Variants in NTRK3 observed in about 807,000 individuals in gnomAD.
NTRK3 encodes neurotrophic receptor tyrosine kinase 3, also known as NT-3 growth factor receptor.
Under a neutral mutation model 91.7 loss-of-function variants are expected in NTRK3, and 24 were observed. The observed-to-expected ratio is 0.26, with a 90% CI of 0.19 to 0.37. The LOEUF (loss-of-function observed/expected upper bound fraction) is 0.37. NTRK3 is among the 10% of genes least tolerant of loss of function. The pLI, the probability that NTRK3 is intolerant of heterozygous loss-of-function variation, is 1.00. For synonymous variants in NTRK3, 483 were observed against 404.0 expected, an observed-to-expected ratio of 1.20 and a Z score of -2.34; for missense variants, 880 against 1,068.9, an observed-to-expected ratio of 0.82 and a Z score of 2.46.
chr15:87,986,509 G>T (rs180795973), intron 14 of NTRK3, among the ~76,000 whole-genome samples: 1 of 152,230 alleles, frequency 6.6e-6, no homozygotes, highest in East Asian at 1.9e-4. Flanking sequence ...TAATTTTGCT[G>T]CATATGCATA....
chr15:88,184,293 T>C (rs1458667131), exon 4 of NTRK3: 3 of 1,613,924 alleles, frequency 1.9e-6, no homozygotes, highest in Non-Finnish European at 2.5e-6. Flanking sequence ...GCCAGTTCTC[T>C]ATGTGTCTGC....
At chr15:88,195,817 C>T (rs1359774022) in intron 3 of NTRK3, among the ~76,000 whole-genome samples, 2 of 152,162 alleles carry the variant, frequency 1.3e-5, no homozygotes, top group African/African-American at 4.8e-5. Context: ...TTGGTCCAGG[C>T]CTGAGCAGCT....
Position 88,240,057 on chromosome 15 carries a change from C to G in NTRK3, c.248+15849G>C, listed in dbSNP as rs1402000976. Among the ~76,000 whole-genome samples, 2 of 151,026 alleles carry G rather than the reference C, an allele frequency of 1.3e-5. No homozygotes were observed. Among genetic ancestry groups the G allele is most frequent in the Non-Finnish European group, 2.9e-5 (2 of 67,950 alleles). ...ACACACACAGCGACACACACAGACA[C>G]ACACACACACACACACAGGAACAAG... On this transcript the variant is annotated intron_variant, in intron 3 of 18. Transcript: ENST00000394480. The surrounding 1 kb of genome is among the most constrained non-coding windows in gnomAD (Gnocchi z 4.9).
At chr15:87,861,952 C>G (rs372631759) in exon 19 of NTRK3, 1 of 215,304 alleles carries the variant, frequency 4.6e-6, no homozygotes, top group Non-Finnish European at 9.4e-6. Flanking sequence ...GCTCCTTCCC[C>G]TCTGTTCTAA....
rs1178417471 is a variant in NTRK3 at position 88,240,348 on chromosome 15, A to T, written c.248+15558T>A. On this transcript the variant is annotated intron_variant, in intron 3 of 18. Transcript: ENST00000394480. The surrounding 1 kb of genome is among the most constrained non-coding windows in gnomAD (Gnocchi z 4.9). ...ACACACCCGATAAACTGTGGCAGTGATGGGACACAGGCCAGCCCCATCCTG... is the reference window on the plus strand; with the variant it reads ...ACACACCCGATAAACTGTGGCAGTGTTGGGACACAGGCCAGCCCCATCCTG... Among the ~76,000 whole-genome samples, 1 of 152,174 alleles carries T rather than the reference A, an allele frequency of 6.6e-6. No individual in the cohort carries two copies. The highest frequency in any genetic ancestry group is 1.5e-5 in the Non-Finnish European group (1 of 68,034).
exon 19 of NTRK3, chr15:87,860,432 A>G (rs1411629853): frequency 4.6e-6 from 1 of 219,654 alleles, no homozygotes; most frequent in Non-Finnish European, 9.1e-6. Context: ...CTTAATATCA[A>G]CTGAGAACAC....
chr15:88,255,891 G>A lies in NTRK3; in HGVS notation c.248+15C>T, dbSNP rs1262207103. On this transcript the variant is annotated intron_variant, in intron 3 of 18. Coordinates refer to ENST00000394480, the Ensembl canonical transcript of NTRK3. This position sits in a 1 kb window ranked among gnomAD's most constrained non-coding sequence, Gnocchi z 4.3. ...GCGCGGGGGAGGCAGGCTGGGGAGCGGCCGCCTGACTTACATGGAAGTGAT... is the reference window on the plus strand; with the variant it reads ...GCGCGGGGGAGGCAGGCTGGGGAGCAGCCGCCTGACTTACATGGAAGTGAT... 1.3e-6 allele frequency: 2 copies of A among 1,597,234 alleles called. No homozygotes were observed. Among genetic ancestry groups the A allele is most frequent in the Non-Finnish European group, 1.7e-6 (2 of 1,168,578 alleles).
chr15:87,880,185 T>C (rs2141463717), intron 18 of NTRK3, 85 bp downstream of exon 19: 1 of 1,546,460 alleles, frequency 6.5e-7, no homozygotes, highest in Non-Finnish European at 8.9e-7. Context: ...CCACCTAATG[T>C]CTTGTTCAGT....
chr15:87,938,724 G>A (rs1009410676), intron 15 of NTRK3, among the ~76,000 whole-genome samples: 8 of 152,148 alleles, frequency 5.3e-5, no homozygotes, highest in South Asian at 2.1e-4. Context: ...GATGGATGCC[G>A]GAACACCCCG....
intron 17 of NTRK3, among the ~76,000 whole-genome samples, chr15:87,889,455 A>T (rs1179414902): frequency 8.2e-6 from 1 of 121,584 alleles, no homozygotes; most frequent in Non-Finnish European, 1.6e-5. Context: ...CCCAGGCTGG[A>T]GTGCAGTGGC....
At chr15:88,135,111 C>A in exon 10 of NTRK3, 1 of 1,614,252 alleles carries the variant, frequency 6.2e-7, no homozygotes, top group Non-Finnish European at 8.5e-7. Context: ...CTGGAAAGGG[C>A]TCCTTGAGGA....
At chr15:88,232,107 G>C (rs935580827) in intron 3 of NTRK3, among the ~76,000 whole-genome samples, 3 of 152,102 alleles carry the variant, frequency 2.0e-5, no homozygotes, top group African/African-American at 7.2e-5. Context: ...GGTGATGGGG[G>C]ATCTTGCACT....
intron 17 of NTRK3, chr15:87,908,634 G>C: frequency 2.5e-6 from 1 of 399,434 alleles, no homozygotes. Context: ...GAGGAAGGAA[G>C]CATGGAAGGA....
At chr15:87,978,896 GGACAGCA>G in intron 14 of NTRK3, 2 of 291,492 alleles carry the variant, frequency 6.9e-6, no homozygotes, top group Non-Finnish European at 6.5e-6. Context: ...GTCACTAAGA[GGACAGCA>G]TGGTATCCTG....
intron 3 of NTRK3, among the ~76,000 whole-genome samples, chr15:88,195,770 A>T (rs1024137130): frequency 1.3e-5 from 2 of 152,310 alleles, no homozygotes; most frequent in East Asian, 3.9e-4. Context: ...TTACTCCCCA[A>T]GGGGTCTTGG....
At chr15:87,865,710 G>T (rs1183530913) in exon 19 of NTRK3, 1 of 223,004 alleles carries the variant, frequency 4.5e-6, no homozygotes, top group African/African-American at 2.2e-5. Context: ...AGAGTTGATG[G>T]CAAGGAATTA....
intron 3 of NTRK3, among the ~76,000 whole-genome samples, chr15:88,227,135 T>TTC (rs761463669): frequency 1.2e-4 from 18 of 152,140 alleles, no homozygotes; most frequent in Non-Finnish European, 2.2e-4. Context: ...GCACCTCTTA[T>TTC]TCTCTCTCTC....
intron 14 of NTRK3, among the ~76,000 whole-genome samples, chr15:88,026,959 T>A (rs1355797503): frequency 6.6e-6 from 1 of 152,130 alleles, no homozygotes; most frequent in Non-Finnish European, 1.5e-5. Flanking sequence ...GCCTCATGAC[T>A]TCAGAGGCCT....
intron 17 of NTRK3, among the ~76,000 whole-genome samples, chr15:87,925,170 T>C (rs1426222019): frequency 1.3e-5 from 2 of 152,190 alleles, no homozygotes; most frequent in Non-Finnish European, 2.9e-5. Flanking sequence ...TGTTTGTCAT[T>C]GTGAATGTCT....
Sources: allele counts gnomAD v4.1 joint callset (sites outside exome capture counted in the v4.1 genomes callset), GRCh38; gene constraint gnomAD v4.1.1; non-coding constraint Gnocchi (gnomAD v3.1); transcripts MANE v1.5; gene names NCBI Gene and HGNC (gene_info 2026-07-23, HGNC 2026-07-21).